DCC: variants seen among roughly 807,000 people sequenced by gnomAD.
DCC encodes DCC netrin 1 receptor, also known as netrin receptor DCC.
A neutral mutation model predicts 172.5 loss-of-function variants in DCC; 58 were observed. That is an observed-to-expected ratio of 0.34 (90% CI 0.27 to 0.42). The LOEUF (loss-of-function observed/expected upper bound fraction) is 0.42, where lower values mean the gene tolerates loss of function less well. DCC is among the 10% of genes least tolerant of loss of function. DCC has a pLI of 1.00. For synonymous variants in DCC, 709 were observed against 644.5 expected, an observed-to-expected ratio of 1.10 and a Z score of -1.52; for missense variants, 1,740 against 1,791.0, an observed-to-expected ratio of 0.97 and a Z score of 0.51.
At chr18:52,538,175 G>T (rs2032339757) in intron 1 of DCC, among the ~76,000 whole-genome samples, 2 of 152,124 alleles carry the variant, frequency 1.3e-5, no homozygotes, top group African/African-American at 4.8e-5. Context: ...TCTCCCAGTA[G>T]TCTTGCCTGC....
At chr18:53,276,680 A>G (rs1043735297) in intron 12 of DCC, among the ~76,000 whole-genome samples, 1 of 152,170 alleles carries the variant, frequency 6.6e-6, no homozygotes, top group African/African-American at 2.4e-5. Context: ...TATATCTAGA[A>G]AGTAAAATCC....
intron 1 of DCC, among the ~76,000 whole-genome samples, chr18:52,692,291 A>C (rs1290040281): frequency 3.9e-5 from 6 of 152,166 alleles, no homozygotes; most frequent in Non-Finnish European, 8.8e-5. Context: ...TGTACAATAC[A>C]AATTGCTACA....
intron 5 of DCC, among the ~76,000 whole-genome samples, chr18:53,000,266 A>C (rs1203475658): frequency 6.6e-6 from 1 of 152,106 alleles, no homozygotes; most frequent in East Asian, 1.9e-4. Context: ...TGATAAATGA[A>C]ATGAATTGAA....
chr18:53,268,190 A>T (rs988820325), intron 12 of DCC, among the ~76,000 whole-genome samples: 2 of 152,032 alleles, frequency 1.3e-5, no homozygotes, highest in Non-Finnish European at 2.9e-5. Flanking sequence ...TTTCAAAGGA[A>T]TTTTTTCTCA....
chr18:53,402,725 C>T (rs888683408), intron 18 of DCC, 61 bp from the exon 19 acceptor site: 6 of 1,165,820 alleles, frequency 5.1e-6, no homozygotes, highest in African/African-American at 1.5e-5. Flanking sequence ...ATGAAATTTC[C>T]AACAATGTTT....
At chr18:52,485,903 TATC>T (rs1433496455) in intron 1 of DCC, among the ~76,000 whole-genome samples, 1 of 152,146 alleles carries the variant, frequency 6.6e-6, no homozygotes, top group African/African-American at 2.4e-5. Flanking sequence ...AGATCATAAA[TATC>T]ATATAATTTT....
chr18:52,565,616 T>A (rs2033143616), intron 1 of DCC, among the ~76,000 whole-genome samples: 1 of 152,212 alleles, frequency 6.6e-6, no homozygotes, highest in Non-Finnish European at 1.5e-5. Flanking sequence ...TTTTCATATG[T>A]TTGTTGGCTG....
chr18:53,365,446 GAA>G (rs34872630), intron 15 of DCC, among the ~76,000 whole-genome samples: 45 of 132,566 alleles, frequency 3.4e-4, no homozygotes, highest in Middle Eastern at 4.0e-3. Flanking sequence ...TCATCCCACT[GAA>G]AAAAAAAAAA....
intron 1 of DCC, among the ~76,000 whole-genome samples, chr18:52,550,669 AATAGACAAT>A (rs2032744994): frequency 1.3e-5 from 2 of 152,150 alleles, no homozygotes; most frequent in Admixed American, 1.3e-4. Context: ...TAAGCCCTGG[AATAGACAAT>A]ACTGCTCATG....
intron 2 of DCC, among the ~76,000 whole-genome samples, chr18:52,878,252 A>G (rs544473313): frequency 6.6e-6 from 1 of 152,272 alleles, no homozygotes; most frequent in African/African-American, 2.4e-5. Flanking sequence ...AGCCATCCTC[A>G]AATACATTCT....
At chr18:52,789,024 T>A (rs2037712055) in intron 2 of DCC, among the ~76,000 whole-genome samples, 1 of 151,682 alleles carries the variant, frequency 6.6e-6, no homozygotes, top group African/African-American at 2.4e-5. Context: ...AGTATGCTTC[T>A]CTGATTCAAA....
chr18:52,524,596 C>T (rs989210789), intron 1 of DCC, among the ~76,000 whole-genome samples: 5 of 152,230 alleles, frequency 3.3e-5, no homozygotes, highest in African/African-American at 1.2e-4. Flanking sequence ...CCACATCTGA[C>T]AATTATATTT....
At chr18:53,300,989 C>CTTTCTTTCTTTCTTTCTTTCTTTCT (rs1458725496) in intron 12 of DCC, among the ~76,000 whole-genome samples, 2 of 146,590 alleles carry the variant, frequency 1.4e-5, no homozygotes, top group Admixed American at 6.9e-5. Flanking sequence ...TTCTTTCTTT[C>CTTTCTTTCTTTCTTTCTTTCTTTCT]TTTTTTTTTC....
At chr18:53,527,090 CGTGTGTGTGTGTGTGTGTGTGT>C (rs200516080) in intron 28 of DCC, 32 of 204,706 alleles carry the variant, frequency 1.6e-4, no homozygotes, top group Admixed American at 1.2e-3. Flanking sequence ...CACATGGATA[CGTGTGTGTGTGTGTGTGTGTGT>C]GTGTGTGTGT....
chr18:52,650,498 G>GT (rs1294644788), intron 1 of DCC, among the ~76,000 whole-genome samples: 1 of 151,998 alleles, frequency 6.6e-6, no homozygotes, highest in Non-Finnish European at 1.5e-5. Flanking sequence ...TTAGCATGCC[G>GT]TTTTTTCTGC....
chr18:52,650,736 A>G (rs1046995030), intron 1 of DCC, among the ~76,000 whole-genome samples: 2 of 152,244 alleles, frequency 1.3e-5, no homozygotes, highest in Admixed American at 1.3e-4. Flanking sequence ...TGAAAATACA[A>G]TAGCAAACAG....
intron 5 of DCC, among the ~76,000 whole-genome samples, chr18:53,034,492 T>C (rs549864332): frequency 6.6e-6 from 1 of 152,238 alleles, no homozygotes; most frequent in African/African-American, 2.4e-5. Flanking sequence ...CCATTGACTC[T>C]AATTTCAAAA....
At position 52,689,595 on chromosome 18, in the gene DCC, G is replaced by A. The variant is rs569434613; in HGVS notation, c.92-62459G>A. Among the ~76,000 whole-genome samples the A allele has an allele frequency of 2.0e-5, 3 of 152,168 alleles. No individual in the cohort carries two copies. In the South Asian group the frequency reaches 6.2e-4, roughly 32 times the overall value. On this transcript the variant is annotated intron_variant, in intron 1 of 28. Transcript: ENST00000442544. The stretch of plus-strand genomic sequence containing the variant: ...AAGCGCAGTGCCTAGCATGGTATAG[G>A]AGCTTAATAAATACAGGGTAGCTCC...
At chr18:53,434,555 C>T in intron 21 of DCC, among the ~76,000 whole-genome samples, 1 of 152,282 alleles carries the variant, frequency 6.6e-6, no homozygotes, top group East Asian at 1.9e-4. Context: ...AAGGAGCTTT[C>T]TTCCCTTTAT....
Sources: gnomAD v4.1 joint callset for allele counts (sites outside exome capture counted in the v4.1 genomes callset) on GRCh38, gnomAD v4.1.1 for gene constraint, MANE v1.5 for transcripts, NCBI Gene and HGNC (gene_info 2026-07-23, HGNC 2026-07-21) for gene names.